ASIC2: variants seen among roughly 807,000 people sequenced by gnomAD.
ASIC2 encodes acid sensing ion channel subunit 2, also known as acid-sensing ion channel 2.
ASIC2 carries 25 observed loss-of-function variants against 57.3 expected under a neutral mutation model. The ratio of observed to expected loss-of-function variants is 0.44; its 90% CI spans 0.32 to 0.61. The LOEUF is 0.61. ASIC2 is among the 20% of genes least tolerant of loss of function. The pLI is 0.06. For synonymous variants in ASIC2, 319 were observed against 307.5 expected (o/e 1.04, Z -0.39); for missense variants, 641 against 738.1 (o/e 0.87, Z 1.52).
intron 1 of ASIC2, among the ~76,000 whole-genome samples, chr17:33,993,197 A>T (rs1361359027): frequency 6.6e-6 from 1 of 152,214 alleles, no homozygotes; most frequent in Non-Finnish European, 1.5e-5. Context: ...TCAAGCAGAA[A>T]TATAATTTCA....
At chr17:33,224,728 G>T (rs1324118295) in intron 1 of ASIC2, among the ~76,000 whole-genome samples, 1 of 152,200 alleles carries the variant, frequency 6.6e-6, no homozygotes, top group African/African-American at 2.4e-5. Flanking sequence ...ATGGGCATTT[G>T]CATCAGTGCT....
At chr17:33,697,209 A>C (rs1908556280) in intron 1 of ASIC2, among the ~76,000 whole-genome samples, 1 of 152,210 alleles carries the variant, frequency 6.6e-6, no homozygotes, top group Admixed American at 6.5e-5. Flanking sequence ...TACAGCCTGC[A>C]GAATGATAAA....
chr17:33,016,599 T>C (rs185356557), intron 8 of ASIC2, among the ~76,000 whole-genome samples: 2 of 152,238 alleles, frequency 1.3e-5, no homozygotes, highest in East Asian at 1.9e-4. Context: ...AATCTGGCCA[T>C]GGGAACTGAT....
chr17:33,952,522 G>A (rs950825652), intron 1 of ASIC2, among the ~76,000 whole-genome samples: 1 of 152,166 alleles, frequency 6.6e-6, no homozygotes, highest in African/African-American at 2.4e-5. Flanking sequence ...TTCACATCAT[G>A]CATTAAAGAA....
chr17:33,673,613 A>C (rs1907709306), intron 1 of ASIC2, among the ~76,000 whole-genome samples: 1 of 152,158 alleles, frequency 6.6e-6, no homozygotes, highest in African/African-American at 2.4e-5. Context: ...GGGATGAAGG[A>C]CATGTCCTCT....
At position 33,795,651 on chromosome 17, in the gene ASIC2, C is replaced by G. The variant is rs1427072330; in HGVS notation, c.555+360327G>C. On this transcript the variant is annotated intron_variant, in intron 1 of 9. Coordinates refer to the ASIC2 transcript ENST00000359872. ...GTTGCCCATCCCAGTTCCTGGGATA[C>G]AGACACAGAAATACCTTCTGTGGTT... Among the ~76,000 whole-genome samples, 3 of 152,234 alleles carry G rather than the reference C, an allele frequency of 2.0e-5. No homozygotes were observed. The East Asian group carries it at 5.8e-4, about 29-fold the overall frequency.
intron 1 of ASIC2, among the ~76,000 whole-genome samples, chr17:33,263,921 G>A (rs1909373865): frequency 6.6e-6 from 1 of 150,942 alleles, no homozygotes; most frequent in Non-Finnish European, 1.5e-5. Context: ...CAAGTCGCAG[G>A]GCTGGGAGCC....
At chr17:33,098,672 T>C (rs888030835) in intron 2 of ASIC2, among the ~76,000 whole-genome samples, 1 of 152,200 alleles carries the variant, frequency 6.6e-6, no homozygotes, top group African/African-American at 2.4e-5. Flanking sequence ...ACACTAGTAT[T>C]TTAAAGACGC....
At chr17:33,665,238 T>C (rs1035039113) in intron 1 of ASIC2, among the ~76,000 whole-genome samples, 1 of 152,222 alleles carries the variant, frequency 6.6e-6, no homozygotes, top group African/African-American at 2.4e-5. Context: ...TCACAAACTA[T>C]TGGAAATGTG....
chr17:33,943,172 T>C (rs1440337272), intron 1 of ASIC2, among the ~76,000 whole-genome samples: 1 of 152,212 alleles, frequency 6.6e-6, no homozygotes, highest in Non-Finnish European at 1.5e-5. Flanking sequence ...CTTTTATTCT[T>C]TTATTATCCA....
At chr17:33,026,099 C>T (rs2091858361) in intron 4 of ASIC2, 117 bp from the exon 5 acceptor site, 2 of 1,105,504 alleles carry the variant, frequency 1.8e-6, no homozygotes, top group East Asian at 2.5e-5. Context: ...GGGGCAGCGG[C>T]CTGCCAGTGG....
chr17:33,177,948 G>T (rs893788540), intron 1 of ASIC2, among the ~76,000 whole-genome samples: 4 of 152,042 alleles, frequency 2.6e-5, no homozygotes, highest in African/African-American at 9.7e-5. Flanking sequence ...TCAAAACTGA[G>T]GGCCTTTTCT....
At chr17:33,594,827 CAAA>C (rs61263575) in intron 1 of ASIC2, among the ~76,000 whole-genome samples, 9 of 114,152 alleles carry the variant, frequency 7.9e-5, no homozygotes, top group Non-Finnish European at 7.3e-5. Flanking sequence ...GACTCCATTT[CAAA>C]AAAAAAAAAA....
At chr17:33,158,657 T>C (rs542400326) in intron 1 of ASIC2, among the ~76,000 whole-genome samples, 1 of 152,358 alleles carries the variant, frequency 6.6e-6, no homozygotes, top group African/African-American at 2.4e-5. Flanking sequence ...AGCCAAACTG[T>C]CTGAGTTCAA....
chr17:34,034,398 C>T (rs576660110), intron 1 of ASIC2, among the ~76,000 whole-genome samples: 2 of 152,326 alleles, frequency 1.3e-5, no homozygotes, highest in African/African-American at 2.4e-5. Flanking sequence ...AACCCACAAC[C>T]AATATCATAC....
At chr17:33,167,688 A>G (rs1034498714) in intron 1 of ASIC2, among the ~76,000 whole-genome samples, 1 of 152,248 alleles carries the variant, frequency 6.6e-6, no homozygotes, top group Non-Finnish European at 1.5e-5. Context: ...CAATAGTGCG[A>G]CAGGCTGACT....
rs192933355 is a variant in ASIC2, at chr17:34,012,771, T to C, written c.555+143207A>G. ...TACCACAGTCACAGTACATAGAAAA[T>C]GTTTATTGAATAAATGAATGAATGA... On this transcript the variant is annotated intron_variant, in intron 1 of 9. Coordinates refer to the ASIC2 transcript ENST00000359872. 2.6e-5 allele frequency among the ~76,000 whole-genome samples: 4 copies of C among 152,010 alleles called. No homozygotes were observed. In the East Asian group the frequency reaches 7.8e-4, roughly 29 times the overall value.
At chr17:33,455,533 T>C (rs1411678085) in intron 1 of ASIC2, among the ~76,000 whole-genome samples, 1 of 152,274 alleles carries the variant, frequency 6.6e-6, no homozygotes, top group Non-Finnish European at 1.5e-5. Flanking sequence ...GCTATCTTTT[T>C]ATGGCTGCAT....
At chr17:34,005,631 A>C (rs559462781) in intron 1 of ASIC2, 1 of 152,176 alleles carries the variant, frequency 6.6e-6, no homozygotes, top group African/African-American at 2.4e-5. Flanking sequence ...ATTCATATAG[A>C]TCCACCTTTC....
Sources: gnomAD v4.1 joint callset for allele counts (sites outside exome capture counted in the v4.1 genomes callset) on GRCh38, gnomAD v4.1.1 for gene constraint, MANE v1.5 for transcripts, NCBI Gene and HGNC (gene_info 2026-07-23, HGNC 2026-07-21) for gene names.